Variants in KALRN observed in about 807,000 individuals in gnomAD.
KALRN encodes the protein kalirin RhoGEF kinase.
In KALRN, 70 loss-of-function variants were observed where a neutral mutation model predicts 353.7. The ratio of observed to expected loss-of-function variants is 0.20; its 90% CI spans 0.16 to 0.24. The LOEUF (loss-of-function observed/expected upper bound fraction) is 0.24, where lower values mean the gene tolerates loss of function less well. KALRN is among the 10% of genes least tolerant of loss of function. KALRN has a pLI of 1.00. For synonymous variants in KALRN, 1,391 were observed against 1,434.8 expected (o/e 0.97, Z 0.69); for missense variants, 2,791 against 3,756.7 (o/e 0.74, Z 6.72).
At chr3:124,154,822 A>G (rs1475233870) in intron 1 of KALRN, among the ~76,000 whole-genome samples, 1 of 152,176 alleles carries the variant, frequency 6.6e-6, no homozygotes, top group African/African-American at 2.4e-5. Context: ...AAGCCAAAAG[A>G]ACAAAGCTGG....
In KALRN at chr3:124,118,534, C is replaced by T. The variant is rs138038393; in HGVS notation, c.73+84721C>T. On this transcript the variant is annotated intron_variant, in intron 1 of 59. Coordinates refer to ENST00000682506, the MANE Select transcript of KALRN (RefSeq NM_001388419.1). ...TCCGTGGAGTTGCAGGAGACACTTC[C>T]ATGCATCCACAGAAGCCCTCTGTCC... Among the ~76,000 whole-genome samples, 106 of 152,290 alleles carry T rather than the reference C, an allele frequency of 7.0e-4. No individual in the cohort carries two copies. The South Asian group carries it at 0.014, about 20-fold the overall frequency.
intron 1 of KALRN, among the ~76,000 whole-genome samples, chr3:124,123,157 G>A (rs1219516231): frequency 4.8e-5 from 7 of 147,242 alleles, no homozygotes; most frequent in South Asian, 2.2e-4. Flanking sequence ...CCGAGATTGC[G>A]CCACTGCACT....
intron 2 of KALRN, among the ~76,000 whole-genome samples, chr3:124,232,410 A>G (rs1027746414): frequency 1.3e-5 from 2 of 152,136 alleles, no homozygotes; most frequent in Admixed American, 6.5e-5. Flanking sequence ...CCAAAGAACC[A>G]TGTCCCTCAG....
intron 8 of KALRN, among the ~76,000 whole-genome samples, chr3:124,332,917 G>A (rs2080744838): frequency 6.6e-6 from 1 of 152,070 alleles, no homozygotes; most frequent in African/African-American, 2.4e-5. Context: ...GTATTAGTCT[G>A]TTCTCATGCC....
chr3:124,056,914 T>C (rs1191204894), intron 1 of KALRN, among the ~76,000 whole-genome samples: 4 of 152,224 alleles, frequency 2.6e-5, no homozygotes, highest in African/African-American at 9.6e-5. Context: ...TCAACATGAT[T>C]TGTTTCCTCT....
intron 1 of KALRN, among the ~76,000 whole-genome samples, chr3:124,206,277 T>G (rs2076404508): frequency 6.6e-6 from 1 of 152,156 alleles, no homozygotes; most frequent in South Asian, 2.1e-4. Flanking sequence ...CACTGAACAC[T>G]TTGCACCCAG....
At chr3:124,369,657 T>C (rs2085547372) in intron 10 of KALRN, among the ~76,000 whole-genome samples, 1 of 152,232 alleles carries the variant, frequency 6.6e-6, no homozygotes, top group Non-Finnish European at 1.5e-5. Context: ...TTGTTAACTA[T>C]AGATGCTATG....
chr3:124,066,221 T>C (rs2042351125), intron 1 of KALRN, among the ~76,000 whole-genome samples: 2 of 152,288 alleles, frequency 1.3e-5, no homozygotes, highest in African/African-American at 4.8e-5. Flanking sequence ...TTTTTTTCTT[T>C]CTATGTTGCA....
intron 13 of KALRN, among the ~76,000 whole-genome samples, chr3:124,405,621 A>G (rs1347733207): frequency 6.8e-6 from 1 of 146,212 alleles, no homozygotes; most frequent in African/African-American, 2.5e-5. Context: ...AGTTGTGATT[A>G]TATCAAGGAC....
rs564023716 is a variant in KALRN at position 124,326,022 on chromosome 3, C to T, written c.1135C>T (p.Arg379Cys). The T allele has an allele frequency of 4.3e-6, 7 of 1,613,378 alleles. No homozygotes were observed. The highest frequency in any genetic ancestry group is 2.2e-5 in the East Asian group (1 of 44,864). The change falls in exon 7 of 60, where the codon CGC (arginine) becomes TGC (cysteine). Residue 379 changes from arginine to cysteine, a missense_variant. Physicochemically the swap from Arg to Cys is radical, Grantham distance 180. Transcript: ENST00000682506. Reference sequence around the variant, plus strand: ...CAACCGCATCATGTCCGTGGCTTCCCGCCTCTCTGAGGCCGGTCATTATGC... The same window carrying T: ...CAACCGCATCATGTCCGTGGCTTCCTGCCTCTCTGAGGCCGGTCATTATGC... ...NINRIMSVAS[R>C]LSEAGHYASQ...
chr3:124,169,738 G>C (rs4234216), intron 1 of KALRN, among the ~76,000 whole-genome samples: 42,562 of 152,022 alleles, frequency 0.28, 6,488 homozygotes, highest in East Asian at 0.47. Context: ...GAGACACAGG[G>C]AAGGAGTTAT....
At position 124,298,703 on chromosome 3, in the gene KALRN, G is replaced by A. The variant is rs140655489; in HGVS notation, c.970-88G>A. On this transcript the variant is annotated intron_variant, in intron 5 of 59. Transcript: ENST00000682506. ...GTTCTCACTGAGCACCAGCAGGAGA[G>A]CTTTTTCCCCTTCCACTAGCTCTGA... 4.2e-4 allele frequency: 620 copies of A among 1,474,768 alleles called. 2 individuals carry two copies. In the African/African-American group the frequency reaches 7.4e-3, roughly 17 times the overall value. 91.4% of individuals were successfully genotyped at this position (1,474,768 alleles called of 1,614,324 possible).
chr3:124,406,832 CTTTT>C (rs10686645), intron 13 of KALRN, among the ~76,000 whole-genome samples: 1 of 126,312 alleles, frequency 7.9e-6, no homozygotes. Context: ...AGTTGCTTTG[CTTTT>C]TTTTTTTTTT....
chr3:124,162,515 A>G (rs2070138998), intron 1 of KALRN: 1 of 152,230 alleles, frequency 6.6e-6, no homozygotes, highest in South Asian at 2.1e-4. Flanking sequence ...GCATGTTTCC[A>G]TAATGTATTT....
intron 33 of KALRN, among the ~76,000 whole-genome samples, chr3:124,502,793 GT>G (rs1212700260): frequency 7.2e-5 from 11 of 152,200 alleles, no homozygotes. Context: ...AGACCACTGT[GT>G]TTTGCCACTG....
chr3:124,226,353 C>T (rs929528614), intron 1 of KALRN, among the ~76,000 whole-genome samples: 11 of 152,066 alleles, frequency 7.2e-5, no homozygotes, highest in African/African-American at 2.7e-4. Context: ...ATAGAAAGTT[C>T]AAAATAGTGC....
chr3:124,342,226 T>A (rs1183267026), intron 9 of KALRN, among the ~76,000 whole-genome samples: 1 of 152,150 alleles, frequency 6.6e-6, no homozygotes, highest in Non-Finnish European at 1.5e-5. Context: ...ATACGTAGAT[T>A]GCGTAGTGGT....
At chr3:124,211,926 A>T (rs1484546360) in intron 1 of KALRN, among the ~76,000 whole-genome samples, 3 of 152,142 alleles carry the variant, frequency 2.0e-5, no homozygotes, top group Admixed American at 6.5e-5. Flanking sequence ...AGGAAGAGGG[A>T]TTGACAGCTG....
rs185992993 is a variant in KALRN, at chr3:124,626,491, C to T, written c.5183-5929C>T. Among the ~76,000 whole-genome samples the T allele has an allele frequency of 1.4e-3, 213 of 152,058 alleles. 2 individuals are homozygous for T. Among genetic ancestry groups the T allele is most frequent in the African/African-American group, 4.8e-3 (201 of 41,452 alleles). On this transcript the variant is annotated intron_variant, in intron 34 of 59. Coordinates refer to ENST00000682506, the MANE Select transcript of KALRN (RefSeq NM_001388419.1). ...TTTAAAACTATTTCATGATAAAATT[C>T]GCTTCAGAAAATTTTTTTTAATTAT...
Sources: gnomAD v4.1 joint callset for allele counts (sites outside exome capture counted in the v4.1 genomes callset) on GRCh38, gnomAD v4.1.1 for gene constraint, MANE v1.5 for transcripts, NCBI Gene and HGNC (gene_info 2026-07-23, HGNC 2026-07-21) for gene names.